PPM1L: variants seen among roughly 807,000 people sequenced by gnomAD.
PPM1L encodes the protein protein phosphatase 1L.
Under a neutral mutation model 31.4 loss-of-function variants are expected in PPM1L, and 13 were observed. That is an observed-to-expected ratio of 0.41 (90% CI 0.27 to 0.66). PPM1L has a LOEUF of 0.66. PPM1L is among the 30% of genes least tolerant of loss of function. The pLI, the probability that PPM1L is intolerant of heterozygous loss-of-function variation, is 0.29. For synonymous variants in PPM1L, 184 were observed against 175.4 expected, an observed-to-expected ratio of 1.05 and a Z score of -0.39; for missense variants, 326 against 453.7, an observed-to-expected ratio of 0.72 and a Z score of 2.56.
At chr3:160,880,563 A>G (rs1712676807) in intron 1 of PPM1L, among the ~76,000 whole-genome samples, 1 of 152,076 alleles carries the variant, frequency 6.6e-6, no homozygotes, top group Admixed American at 6.5e-5. Flanking sequence ...TAGCAGTCCA[A>G]ACTATCATAC....
chr3:160,934,368 TGAGA>T (rs1714888076), intron 1 of PPM1L, among the ~76,000 whole-genome samples: 3 of 152,260 alleles, frequency 2.0e-5, no homozygotes, highest in African/African-American at 7.2e-5. Flanking sequence ...CTCAGTCTTC[TGAGA>T]GAAAGAGGTG....
At chr3:160,803,368 G>C (rs1269410195) in intron 1 of PPM1L, among the ~76,000 whole-genome samples, 2 of 152,016 alleles carry the variant, frequency 1.3e-5, no homozygotes, top group African/African-American at 4.8e-5. Flanking sequence ...ATATTTTAGA[G>C]AGATCACTGG....
intron 2 of PPM1L, among the ~76,000 whole-genome samples, chr3:160,971,565 G>A (rs1020904024): frequency 1.3e-5 from 2 of 152,152 alleles, no homozygotes; most frequent in Admixed American, 1.3e-4. Flanking sequence ...GTTTGGAATT[G>A]GTAAAGAGTT....
intron 2 of PPM1L, among the ~76,000 whole-genome samples, chr3:160,975,389 G>T (rs1222077952): frequency 1.3e-5 from 2 of 152,150 alleles, no homozygotes; most frequent in Non-Finnish European, 2.9e-5. Flanking sequence ...CTTTAAAGTA[G>T]TTTTTTCCAA....
intron 2 of PPM1L, among the ~76,000 whole-genome samples, chr3:160,975,590 T>A (rs1716540189): frequency 6.6e-6 from 1 of 151,652 alleles, no homozygotes; most frequent in Non-Finnish European, 1.5e-5. Context: ...GTCCTTCACA[T>A]CCCTTGTAAG....
chr3:160,858,942 A>G (rs1425186572), intron 1 of PPM1L, among the ~76,000 whole-genome samples: 1 of 152,076 alleles, frequency 6.6e-6, no homozygotes, highest in Non-Finnish European at 1.5e-5. Flanking sequence ...CCTTTTATCC[A>G]GGAGTGAGCA....
At chr3:160,927,924 T>C (rs1400895584) in intron 1 of PPM1L, among the ~76,000 whole-genome samples, 1 of 152,098 alleles carries the variant, frequency 6.6e-6, no homozygotes, top group Non-Finnish European at 1.5e-5. Context: ...AATGAATTAA[T>C]TAAATAGAGA....
At chr3:160,936,357 C>T (rs1714974578) in intron 1 of PPM1L, among the ~76,000 whole-genome samples, 1 of 152,292 alleles carries the variant, frequency 6.6e-6, no homozygotes, top group Admixed American at 6.5e-5. Flanking sequence ...TCCCAAAGTG[C>T]TGGGATTACA....
chr3:161,078,327 T>C lies in PPM1L; in HGVS notation c.*9170T>C, dbSNP rs553546006. 159 of 152,332 alleles carry C rather than the reference T, an allele frequency of 1.0e-3. No individual in the cohort carries two copies. The highest frequency in any genetic ancestry group is 3.6e-3 in the African/African-American group (150 of 41,574). The allele number at this position is 152,332 out of a possible 1,614,324, so 9.4% of individuals were successfully genotyped here. ...GACAGTGGCTTTGTATAAGCTTTTA[T>C]TTATACCTATTTCAACATCATGAAA... is the stretch of plus-strand genomic sequence containing the variant. On this transcript the variant is annotated 3_prime_UTR_variant, in exon 4 of 4. Coordinates refer to ENST00000498165, the MANE Select transcript of PPM1L (RefSeq NM_139245.4).
rs192214569 is a variant in PPM1L, at chr3:161,059,091, T to A, written c.575-6312T>A. Among the ~76,000 whole-genome samples the A allele has an allele frequency of 7.9e-5, 12 of 152,288 alleles. No homozygotes were observed. In the East Asian group the frequency reaches 2.3e-3, roughly 29 times the overall value. ...TGTCTTCCCTAAGGAAAACAATAAT[T>A]ATTAGTCCAACACAAAAACATGCCC... is the stretch of plus-strand genomic sequence containing the variant. On this transcript the variant is annotated intron_variant, in intron 2 of 3. Transcript: ENST00000498165.
intron 1 of PPM1L, among the ~76,000 whole-genome samples, chr3:160,809,959 G>A (rs1212769129): frequency 6.6e-6 from 1 of 152,030 alleles, no homozygotes; most frequent in African/African-American, 2.4e-5. Flanking sequence ...AGAGGGTACT[G>A]TTTCTTATCT....
At chr3:160,841,695 A>G (rs1473267309) in intron 1 of PPM1L, among the ~76,000 whole-genome samples, 1 of 152,176 alleles carries the variant, frequency 6.6e-6, no homozygotes, top group East Asian at 1.9e-4. Context: ...TAAACTTATT[A>G]CTGCCTTTTC....
At chr3:160,790,499 G>T (rs1712073308) in intron 1 of PPM1L, among the ~76,000 whole-genome samples, 1 of 152,096 alleles carries the variant, frequency 6.6e-6, no homozygotes, top group Non-Finnish European at 1.5e-5. Context: ...CAAATTCAGG[G>T]AGATGAACAC....
chr3:161,008,599 A>G (rs369766866), intron 2 of PPM1L, among the ~76,000 whole-genome samples: 1 of 152,096 alleles, frequency 6.6e-6, no homozygotes, highest in Non-Finnish European at 1.5e-5. Flanking sequence ...TACTATAGCA[A>G]TGGAGGTGTG....
rs191631424 is a variant in PPM1L, at chr3:160,945,160, G to A, written c.400-16576G>A. The stretch of plus-strand genomic sequence containing the variant: ...ATCTATCTATCTATCTATCTCCACT[G>A]ATTTTGTTTTAGTTTGGCCATCCAT... On this transcript the variant is annotated intron_variant, in intron 1 of 3. Coordinates refer to ENST00000498165, the MANE Select transcript of PPM1L (RefSeq NM_139245.4). Among the ~76,000 whole-genome samples, 611 of 133,434 alleles carry A rather than the reference G, an allele frequency of 4.6e-3. 7 individuals are homozygous for A. Among genetic ancestry groups the A allele is most frequent in the African/African-American group, 0.018 (585 of 33,230 alleles). 87.5% of individuals were successfully genotyped at this position (133,434 alleles called of 152,430 possible). A position where few individuals can be genotyped will look rare whatever the true frequency, so the allele number is the denominator to read the frequency against.
At chr3:160,956,497 G>T (rs1027932441) in intron 1 of PPM1L, among the ~76,000 whole-genome samples, 6 of 152,234 alleles carry the variant, frequency 3.9e-5, no homozygotes, top group South Asian at 4.1e-4. Context: ...TTTAATTCAG[G>T]TGTACAGCTC....
intron 1 of PPM1L, among the ~76,000 whole-genome samples, chr3:160,942,712 A>C (rs9860537): frequency 0.27 from 41,396 of 152,048 alleles, 5,804 homozygotes; most frequent in East Asian, 0.42. Context: ...GTAACTTTTC[A>C]TAAGACAAAT....
intron 3 of PPM1L, among the ~76,000 whole-genome samples, chr3:161,067,497 C>T (rs1388139593): frequency 1.3e-5 from 2 of 152,210 alleles, no homozygotes; most frequent in African/African-American, 2.4e-5. Flanking sequence ...GTCTTTCTGT[C>T]GCCACTCCTT....
chr3:160,925,011 C>T (rs55658373), intron 1 of PPM1L, among the ~76,000 whole-genome samples: 15 of 152,330 alleles, frequency 9.8e-5, no homozygotes, highest in Non-Finnish European at 1.8e-4. Context: ...AGACTATTCT[C>T]TCCTATTTGT....
Sources: allele counts gnomAD v4.1 joint callset (sites outside exome capture counted in the v4.1 genomes callset), GRCh38; gene constraint gnomAD v4.1.1; transcripts MANE v1.5; gene names NCBI Gene and HGNC (gene_info 2026-07-23, HGNC 2026-07-21).